The following AZIN1 variants were observed in gnomAD, a reference collection of about 807,000 sequenced individuals.
The protein encoded by AZIN1 is antizyme inhibitor 1.
AZIN1 carries 12 observed loss-of-function variants against 47.4 expected under a neutral mutation model. The ratio of observed to expected loss-of-function variants is 0.25; its 90% CI spans 0.16 to 0.41. The LOEUF is 0.41. AZIN1 is among the 10% of genes least tolerant of loss of function. The pLI is 1.00. For missense variants in AZIN1, 410 were observed against 532.4 expected, an observed-to-expected ratio of 0.77 and a Z score of 2.26; for synonymous variants, 155 against 176.3, an observed-to-expected ratio of 0.88 and a Z score of 0.96.
intron 4 of AZIN1, 108 bp from the exon 5 acceptor site, chr8:102,839,024 CTT>C: frequency 1.0e-6 from 1 of 976,972 alleles, no homozygotes; most frequent in Non-Finnish European, 1.5e-6. Flanking sequence ...GGGTCTCACT[CTT>C]TGTATTCCAG....
Position 102,858,042 on chromosome 8 carries a change from A to G in AZIN1, c.-125T>C. The stretch of plus-strand genomic sequence containing the variant: ...ACAAGTTGGGAGATGGAACCCCCCT[A>G]TCATCAGCTAGGTTCCCAAGGTGGC... On this transcript the variant is annotated 5_prime_UTR_variant, in exon 2 of 12. Transcript: ENST00000337198. 1 of 399,020 alleles carries G rather than the reference A, an allele frequency of 2.5e-6. No homozygotes were observed. The highest frequency in any genetic ancestry group is 4.4e-6 in the Non-Finnish European group (1 of 226,028). 24.7% of individuals were successfully genotyped at this position (399,020 alleles called of 1,614,324 possible). A position where few individuals can be genotyped will look rare whatever the true frequency, so the allele number is the denominator to read the frequency against.
At chr8:102,845,246 C>G (rs1812499636) in intron 2 of AZIN1, among the ~76,000 whole-genome samples, 1 of 151,586 alleles carries the variant, frequency 6.6e-6, no homozygotes, top group African/African-American at 2.4e-5. Flanking sequence ...AGCATTTTGG[C>G]TGCACCAAAA....
At chr8:102,861,805 G>A (rs927888362) in intron 1 of AZIN1, among the ~76,000 whole-genome samples, 5 of 152,012 alleles carry the variant, frequency 3.3e-5, no homozygotes, top group Non-Finnish European at 5.9e-5. Context: ...CACTCTGGGA[G>A]GCCGAGATGG....
intron 9 of AZIN1, chr8:102,830,200 A>G: frequency 4.0e-6 from 1 of 248,824 alleles, no homozygotes; most frequent in Non-Finnish European, 7.7e-6. Context: ...AGCCTGAACA[A>G]CATGGCAAAA....
Position 102,829,329 on chromosome 8 carries a change from G to A in AZIN1, c.1178C>T (p.Ser393Phe). ...NMGADSFHEPSAFNDFQRPAI... is the reference protein window; with the variant it reads ...NMGADSFHEPFAFNDFQRPAI... ...TGGCCTCTGAAAATCATTAAAAGCA[G>A]ATGGTTCATGGAAAGAATCTGCTCC... Residue 393 changes from serine (S) to phenylalanine (F), a missense_variant, in exon 11 of 12, where the codon TCT becomes TTT. By Grantham distance (155) the Ser-to-Phe change is radical (BLOSUM62 -2). Coordinates refer to ENST00000337198, the MANE Select transcript of AZIN1 (RefSeq NM_148174.4). The A allele has an allele frequency of 6.2e-7, 1 of 1,613,948 alleles. No individual in the cohort carries two copies. Among genetic ancestry groups the A allele is most frequent in the Non-Finnish European group, 8.5e-7 (1 of 1,179,896 alleles).
Position 102,827,728 on chromosome 8 carries a change from A to G in AZIN1, c.*839T>C, listed in dbSNP as rs994309791. 1 of 152,638 alleles carries G rather than the reference A, an allele frequency of 6.6e-6. No homozygotes were observed. Among genetic ancestry groups the G allele is most frequent in the Non-Finnish European group, 1.5e-5 (1 of 68,026 alleles). The allele number at this position is 152,638 out of a possible 1,614,324, so 9.5% of individuals were successfully genotyped here. A position where few individuals can be genotyped will look rare whatever the true frequency, so the allele number is the denominator to read the frequency against. ...TACAGAAACACCTATTTATTATTAC[A>G]GTTGATTTATGCAGGATTAACATTT... On this transcript the variant is annotated 3_prime_UTR_variant, in exon 12 of 12. Transcript: ENST00000337198.
At chr8:102,829,695 C>T in intron 10 of AZIN1, 126 bp downstream of exon 10, 1 of 865,666 alleles carries the variant, frequency 1.2e-6, no homozygotes, top group South Asian at 1.5e-5. Context: ...CAGAAGAACG[C>T]AAATCCTCAA....
Position 102,828,670 on chromosome 8 carries a change from A to G in AZIN1, c.1244T>C (p.Met415Thr). The G allele has an allele frequency of 6.2e-7, 1 of 1,602,118 alleles. No individual in the cohort carries two copies. The highest frequency in any genetic ancestry group is 8.5e-7 in the Non-Finnish European group (1 of 1,171,048). ...YMMSFSDWYE[M>T]QDAGITSDSM... ...GTCTGAAGTAATTCCAGCATCTTGC[A>G]TCTCATACCTACGTAGAAAAAAAAT... Residue 415 changes from methionine to threonine, a missense_variant, in exon 12 of 12, where the codon ATG (methionine) becomes ACG (threonine). Physicochemically the swap from Met to Thr is moderately conservative, Grantham distance 81. Around this residue, in one of 3 missense-constraint regions of AZIN1, gnomAD observed 168 missense variants for 198.3 expected, o/e 0.85. Transcript: ENST00000337198.
In AZIN1 at chr8:102,833,209, C is replaced by T. The variant is rs757699571; in HGVS notation, c.751G>A (p.Val251Ile). The T allele has an allele frequency of 1.2e-6, 2 of 1,611,690 alleles. No individual in the cohort carries two copies. Among genetic ancestry groups the T allele is most frequent in the Non-Finnish European group, 1.7e-6 (2 of 1,179,094 alleles). The change falls in exon 9 of 12, where the codon GTT becomes ATT. Residue 251 changes from valine to isoleucine, a missense_variant. Physicochemically the swap from Val to Ile is conservative, Grantham distance 29 (BLOSUM62 3). Coordinates refer to ENST00000337198, the MANE Select transcript of AZIN1 (RefSeq NM_148174.4). ...TAGATATCCAACAGAGGGCTGATAA[C>T]ATGATTAACCTATGGATTTTAAATG... ...TEFQLEEVNHVISPLLDIYFP... is the reference protein window; with the variant it reads ...TEFQLEEVNHIISPLLDIYFP...
chr8:102,854,694 A>G (rs914559807), intron 2 of AZIN1, among the ~76,000 whole-genome samples: 6 of 150,684 alleles, frequency 4.0e-5, no homozygotes, highest in African/African-American at 1.2e-4. Context: ...TGTAAATACT[A>G]AAGATTAGGA....
intron 2 of AZIN1, among the ~76,000 whole-genome samples, chr8:102,844,765 G>A (rs1004142257): frequency 6.6e-6 from 1 of 152,074 alleles, no homozygotes; most frequent in Admixed American, 6.5e-5. Context: ...TGTAAATTAG[G>A]TATCTGTACA....
chr8:102,837,831 A>C (rs915323977), intron 5 of AZIN1, among the ~76,000 whole-genome samples: 4 of 152,282 alleles, frequency 2.6e-5, no homozygotes, highest in Non-Finnish European at 5.9e-5. Flanking sequence ...TTAAAAAGTA[A>C]GCCAACAACT....
At chr8:102,862,468 T>G (rs1372184544) in intron 1 of AZIN1, among the ~76,000 whole-genome samples, 1 of 152,228 alleles carries the variant, frequency 6.6e-6, no homozygotes, top group African/African-American at 2.4e-5. Flanking sequence ...AATCATTTTC[T>G]TTTGGAGTCT....
chr8:102,829,927 G>T lies in AZIN1; in HGVS notation c.914C>A (p.Thr305Asn). The T allele has an allele frequency of 1.3e-6, 2 of 1,599,790 alleles. No individual in the cohort carries two copies. Among genetic ancestry groups the T allele is most frequent in the South Asian group, 1.1e-5 (1 of 87,940 alleles). Reference protein sequence around the residue: ...NDKFPSGVEKTGSDEPAFMYY... With the variant: ...NDKFPSGVEKNGSDEPAFMYY... ...CATGAAGGCTGGTTCATCACTTCCG[G>T]TTTTTTCTACTGGAATAAAACAGGA... is the stretch of plus-strand genomic sequence containing the variant. Residue 305 changes from threonine to asparagine, a missense_variant, in exon 10 of 12, where the codon ACC becomes AAC. Physicochemically the swap from Thr to Asn is moderately conservative, Grantham distance 65. Around this residue, in one of 3 missense-constraint regions of AZIN1, gnomAD observed 168 missense variants for 198.3 expected, o/e 0.85. Transcript: ENST00000337198.
intron 9 of AZIN1, 135 bp downstream of exon 9, chr8:102,832,921 T>G: frequency 1.3e-6 from 1 of 744,984 alleles, no homozygotes; most frequent in Non-Finnish European, 2.1e-6. Flanking sequence ...ATTATAGGCG[T>G]GAGCCACCAC....
rs1811327782 is a variant in AZIN1, at chr8:102,829,937, CTGGAATAAAA to C, written c.905-11_905-2del. 1 of 1,579,600 alleles carries C rather than the reference CTGGAATAAAA, an allele frequency of 6.3e-7. No individual in the cohort carries two copies. Among genetic ancestry groups the C allele is most frequent in the Non-Finnish European group, 8.7e-7 (1 of 1,155,650 alleles). On this transcript the variant is annotated splice_acceptor_variant and splice_polypyrimidine_tract_variant and intron_variant, in intron 9 of 11. Coordinates refer to ENST00000337198, the MANE Select transcript of AZIN1 (RefSeq NM_148174.4). LOFTEE classifies it high-confidence loss of function. Reference sequence around the variant, plus strand: ...GGTTCATCACTTCCGGTTTTTTCTACTGGAATAAAACAGGAAAGGGGAAAATGAATTTTTA... The same window carrying C: ...GGTTCATCACTTCCGGTTTTTTCTACCAGGAAAGGGGAAAATGAATTTTTA...
chr8:102,844,680 T>C (rs2131243331), intron 2 of AZIN1, among the ~76,000 whole-genome samples: 1 of 152,230 alleles, frequency 6.6e-6, no homozygotes. Context: ...AAACATCTGT[T>C]TCAGTGCTGG....
Position 102,833,039 on chromosome 8 carries a change from T to G in AZIN1, c.904+17A>C. On this transcript the variant is annotated intron_variant, in intron 9 of 11. Coordinates refer to ENST00000337198, the MANE Select transcript of AZIN1 (RefSeq NM_148174.4). ...TTATCTACCAACAAAAATAAAACTA[T>G]AAACTTTATAACTTACCTCCAGAGG... 1 of 1,582,410 alleles carries G rather than the reference T, an allele frequency of 6.3e-7. No homozygotes were observed. Among genetic ancestry groups the G allele is most frequent in the Non-Finnish European group, 8.7e-7 (1 of 1,154,478 alleles).
At chr8:102,837,946 C>T (rs898912457) in intron 5 of AZIN1, among the ~76,000 whole-genome samples, 6 of 152,116 alleles carry the variant, frequency 3.9e-5, no homozygotes, top group Admixed American at 6.5e-5. Flanking sequence ...AAAAGTAAAC[C>T]TTTTTATGAG....
Sources: gnomAD v4.1 joint callset for allele counts (sites outside exome capture counted in the v4.1 genomes callset) on GRCh38, gnomAD v4.1.1 for gene constraint, gnomAD v4.1.1 regional missense constraint, MANE v1.5 for transcripts, NCBI Gene and HGNC (gene_info 2026-07-23, HGNC 2026-07-21) for gene names.